Variants in KIAA0825 observed in about 807,000 individuals in gnomAD.
KIAA0825 encodes uncharacterized protein KIAA0825.
A neutral mutation model predicts 147.6 loss-of-function variants in KIAA0825; 119 were observed. That is an observed-to-expected ratio of 0.81 (90% CI 0.69 to 0.94). The LOEUF (loss-of-function observed/expected upper bound fraction) is 0.94. KIAA0825 is among the 40% of genes least tolerant of loss of function. KIAA0825 has a pLI of 0.00. For missense variants in KIAA0825, 1,381 were observed against 1,472.7 expected (o/e 0.94, Z 1.02); for synonymous variants, 470 against 518.1 (o/e 0.91, Z 1.26).
intron 20 of KIAA0825, among the ~76,000 whole-genome samples, chr5:94,173,454 T>A (rs1205893284): frequency 2.0e-5 from 3 of 150,514 alleles, no homozygotes; most frequent in African/African-American, 7.3e-5. Context: ...TCAGCTAACA[T>A]GGTCACCAGG....
At chr5:94,285,946 A>G (rs1008731257) in intron 20 of KIAA0825, among the ~76,000 whole-genome samples, 1 of 152,182 alleles carries the variant, frequency 6.6e-6, no homozygotes, top group Non-Finnish European at 1.5e-5. Context: ...TTCCAAATCA[A>G]AAACTGCAAA....
Position 94,484,858 on chromosome 5 carries a change from A to G in KIAA0825, c.1043T>C (p.Leu348Pro), listed in dbSNP as rs1188238846. The G allele has an allele frequency of 1.3e-6, 2 of 1,539,618 alleles. No homozygotes were observed. The highest frequency in any genetic ancestry group is 2.5e-5 in the East Asian group (1 of 40,672). ...PLDKVEFLSQ[L>P]IKSFMKLEKG... ...TTCCAGTTTCATAAAGGATTTTATG[A>G]GCTGCGATAAGAATTCGACTTTGTC... is the stretch of plus-strand genomic sequence containing the variant. The change falls in exon 6 of 21, where the codon CTC (leucine) becomes CCC (proline). Residue 348 changes from leucine (L) to proline (P), a missense_variant. Transcript: ENST00000682413.
chr5:94,605,972 T>A (rs1787416866), intron 1 of KIAA0825, among the ~76,000 whole-genome samples: 1 of 152,224 alleles, frequency 6.6e-6, no homozygotes, highest in Admixed American at 6.5e-5. Context: ...GAAGTCAAAC[T>A]ATCTGTTTGC....
rs538634040 is a variant in KIAA0825 at position 94,221,183 on chromosome 5, G to A, written c.3711-67059C>T. 2.0e-5 allele frequency among the ~76,000 whole-genome samples: 3 copies of A among 152,256 alleles called. 1 individual carries two copies. In the South Asian group the frequency reaches 6.2e-4, roughly 32 times the overall value. On this transcript the variant is annotated intron_variant, in intron 20 of 20. Coordinates refer to ENST00000682413, the MANE Select transcript of KIAA0825 (RefSeq NM_001145678.3). ...GTGACCCTAAGAGTCCCTCTTTGTG[G>A]TCTCAGGGGTAGAGCCTGCCAGGAT...
intron 20 of KIAA0825, among the ~76,000 whole-genome samples, chr5:94,325,581 G>GA (rs1319870024): frequency 7.2e-5 from 11 of 151,876 alleles, no homozygotes; most frequent in African/African-American, 2.4e-4. Flanking sequence ...TTAAGCAATA[G>GA]AAAATATATA....
At chr5:94,443,434 G>T (rs1219974222) in intron 13 of KIAA0825, among the ~76,000 whole-genome samples, 2 of 151,798 alleles carry the variant, frequency 1.3e-5, no homozygotes, top group East Asian at 1.9e-4. Flanking sequence ...AATACAAAGG[G>T]GGAAAATGTT....
intron 20 of KIAA0825, among the ~76,000 whole-genome samples, chr5:94,272,208 C>T (rs1777026601): frequency 6.8e-6 from 1 of 147,236 alleles, no homozygotes; most frequent in Non-Finnish European, 1.5e-5. Context: ...GGGGGGAGGA[C>T]AGGGACATGG....
At chr5:94,424,781 C>G (rs1754630649) in intron 14 of KIAA0825, among the ~76,000 whole-genome samples, 1 of 151,806 alleles carries the variant, frequency 6.6e-6, no homozygotes, top group Non-Finnish European at 1.5e-5. Flanking sequence ...TCCAAATGAA[C>G]AAAATCAGAA....
At chr5:94,344,332 C>T (rs1278794349) in intron 20 of KIAA0825, among the ~76,000 whole-genome samples, 1 of 151,966 alleles carries the variant, frequency 6.6e-6, no homozygotes, top group East Asian at 1.9e-4. Context: ...AAAAAAAAGC[C>T]AGAATAAGAA....
At chr5:94,254,010 CG>C (rs879581084) in intron 20 of KIAA0825, among the ~76,000 whole-genome samples, 7 of 152,082 alleles carry the variant, frequency 4.6e-5, no homozygotes, top group Non-Finnish European at 8.8e-5. Flanking sequence ...GCGTAAGAGC[CG>C]TTCCTAATCT....
intron 20 of KIAA0825, among the ~76,000 whole-genome samples, chr5:94,307,700 C>T (rs2150192316): frequency 6.6e-6 from 1 of 151,828 alleles, no homozygotes; most frequent in African/African-American, 2.4e-5. Context: ...TCTACTTCTT[C>T]CCAGATAAGA....
At chr5:94,494,374 T>C (rs936291798) in intron 5 of KIAA0825, among the ~76,000 whole-genome samples, 1 of 149,742 alleles carries the variant, frequency 6.7e-6, no homozygotes, top group Non-Finnish European at 1.5e-5. Flanking sequence ...TAACTACTGA[T>C]GTGGCCAGTT....
Position 94,470,110 on chromosome 5 carries a change from G to C in KIAA0825, c.1723C>G (p.Pro575Ala), listed in dbSNP as rs1179257136. 2 of 1,550,938 alleles carry C rather than the reference G, an allele frequency of 1.3e-6. No individual in the cohort carries two copies. Among genetic ancestry groups the C allele is most frequent in the African/African-American group, 2.7e-5 (2 of 73,028 alleles). Residue 575 changes from proline (P) to alanine (A), a missense_variant and splice_region_variant, in exon 10 of 21, where the codon CCC (proline) becomes GCC (alanine). Coordinates refer to ENST00000682413, the MANE Select transcript of KIAA0825 (RefSeq NM_001145678.3). ...DNLMKEMTKKPIFLVLVQRYQ... is the reference protein window; with the variant it reads ...DNLMKEMTKKAIFLVLVQRYQ... ...CGTTGGACAAGCACCAGGAATATGG[G>C]TCTGTTCAGAGAGAATGATCAAAGA... is the stretch of plus-strand genomic sequence containing the variant.
intron 20 of KIAA0825, among the ~76,000 whole-genome samples, chr5:94,175,220 A>G (rs1158874491): frequency 6.6e-6 from 1 of 152,160 alleles, no homozygotes; most frequent in Non-Finnish European, 1.5e-5. Context: ...CTCATATCCT[A>G]AAATCCTATC....
intron 2 of KIAA0825, among the ~76,000 whole-genome samples, chr5:94,575,249 G>T (rs144880280): frequency 0.013 from 2,049 of 152,148 alleles, 25 homozygotes; most frequent in Middle Eastern, 0.027. Context: ...ATAAAACAAG[G>T]TGTTAAGATG....
At chr5:94,373,528 G>T (rs946129522) in intron 20 of KIAA0825, among the ~76,000 whole-genome samples, 1 of 152,114 alleles carries the variant, frequency 6.6e-6, no homozygotes, top group Admixed American at 6.6e-5. Context: ...AAGCAAACAC[G>T]TCCTTCTTTA....
rs927977852 is a variant in KIAA0825, at chr5:94,173,634, A to G, written c.3711-19510T>C. On this transcript the variant is annotated intron_variant, in intron 20 of 20. Coordinates refer to ENST00000682413, the MANE Select transcript of KIAA0825 (RefSeq NM_001145678.3). ...TTGAAATTCATATAGTACCACTTCT[A>G]TAGTATTCTATTGGTTACAAAGGAG... Among the ~76,000 whole-genome samples, 13 of 152,182 alleles carry G rather than the reference A, an allele frequency of 8.5e-5. 1 individual carries two copies. The highest frequency in any genetic ancestry group is 7.9e-4 in the Admixed American group (12 of 15,270).
chr5:94,398,373 C>T (rs1750948264), intron 16 of KIAA0825, among the ~76,000 whole-genome samples: 1 of 152,126 alleles, frequency 6.6e-6, no homozygotes, highest in Non-Finnish European at 1.5e-5. Context: ...CTAGCCTCAG[C>T]CTGTTTCTAT....
intron 20 of KIAA0825, among the ~76,000 whole-genome samples, chr5:94,185,288 C>T (rs1250711117): frequency 6.6e-6 from 1 of 152,190 alleles, no homozygotes; most frequent in Non-Finnish European, 1.5e-5. Flanking sequence ...AATTATATTT[C>T]ATATACTTCT....
Sources: gnomAD v4.1 joint callset for allele counts (sites outside exome capture counted in the v4.1 genomes callset) on GRCh38, gnomAD v4.1.1 for gene constraint, MANE v1.5 for transcripts, NCBI Gene and HGNC (gene_info 2026-07-23, HGNC 2026-07-21) for gene names.